MICU3: variants seen among roughly 807,000 people sequenced by gnomAD.
MICU3 encodes calcium uptake protein 3, mitochondrial.
Under a neutral mutation model 66.5 loss-of-function variants are expected in MICU3, and 62 were observed. The observed-to-expected ratio is 0.93, with a 90% CI of 0.76 to 1.15. The LOEUF (loss-of-function observed/expected upper bound fraction) is 1.15, where lower values mean the gene tolerates loss of function less well. Among genes scored for constraint, MICU3 ranks in the 50% most tolerant of loss-of-function variants. The pLI is 0.00. For synonymous variants in MICU3, 308 were observed against 240.7 expected (o/e 1.28, Z -2.59); for missense variants, 779 against 664.4 (o/e 1.17, Z -1.90).
intron 3 of MICU3, among the ~76,000 whole-genome samples, chr8:17,075,645 G>T (rs1051733558): frequency 2.6e-5 from 4 of 152,112 alleles, no homozygotes; most frequent in Non-Finnish European, 5.9e-5. Context: ...TGTGTTGATT[G>T]GATGATTTAG....
At position 17,080,561 on chromosome 8, in the gene MICU3, T is replaced by C. The variant is rs570280086; in HGVS notation, c.647-1132T>C. Among the ~76,000 whole-genome samples the C allele has an allele frequency of 4.0e-4, 61 of 152,280 alleles. 1 individual carries two copies. Among genetic ancestry groups the C allele is most frequent in the African/African-American group, 1.4e-3 (59 of 41,570 alleles). The stretch of plus-strand genomic sequence containing the variant: ...CTTCTTTTATGCTCTTCTTTCATTT[T>C]TTGAGGGATCCCTACAGACTCTTAA... On this transcript the variant is annotated intron_variant, in intron 4 of 14. Coordinates refer to ENST00000318063, the MANE Select transcript of MICU3 (RefSeq NM_181723.3).
At chr8:17,114,295 C>A in intron 12 of MICU3, 94 bp downstream of exon 12, 1 of 716,444 alleles carries the variant, frequency 1.4e-6, no homozygotes, top group Non-Finnish European at 2.3e-6. Context: ...GACATATCAC[C>A]CATCAACTTG....
At chr8:17,120,002 A>G (rs1803073254) in intron 14 of MICU3, among the ~76,000 whole-genome samples, 1 of 152,200 alleles carries the variant, frequency 6.6e-6, no homozygotes, top group African/African-American at 2.4e-5. Flanking sequence ...CCACACAGGT[A>G]GTGTTCCCGA....
Position 17,069,708 on chromosome 8 carries a change from C to T in MICU3, c.556C>T (p.Leu186Phe). The T allele has an allele frequency of 6.5e-7, 1 of 1,544,966 alleles. No individual in the cohort carries two copies. Among genetic ancestry groups the T allele is most frequent in the Non-Finnish European group, 8.8e-7 (1 of 1,140,564 alleles). The change falls in exon 3 of 15, where the codon CTT (leucine) becomes TTT (phenylalanine). Residue 186 changes from leucine (L) to phenylalanine (F), a missense_variant. Physicochemically the swap from Leu to Phe is conservative, Grantham distance 22. Transcript: ENST00000318063. ...EPKVAKTWKS[L>F]SKQELNQMLA... ...TTTAGTTGCCAAAACTTGGAAGTCA[C>T]TTTCCAAACAGGTGAGTTAAAGCTC...
chr8:17,098,801 T>C (rs1800998562), intron 9 of MICU3, among the ~76,000 whole-genome samples: 1 of 151,756 alleles, frequency 6.6e-6, no homozygotes, highest in South Asian at 2.1e-4. Flanking sequence ...ATATATATAT[T>C]TTAAAGTTTC....
intron 13 of MICU3, 101 bp downstream of exon 13, chr8:17,116,701 A>G (rs1374384164): frequency 1.2e-6 from 1 of 846,614 alleles, no homozygotes. Context: ...TCTTAAGGAT[A>G]TAAACATGAA....
chr8:17,114,458 G>C (rs1802498481), intron 12 of MICU3, among the ~76,000 whole-genome samples: 1 of 152,272 alleles, frequency 6.6e-6, no homozygotes, highest in Non-Finnish European at 1.5e-5. Context: ...TGTTCTTACA[G>C]GGTGGTATTT....
In MICU3 at chr8:17,084,271, G is replaced by A. The variant is rs189438928; in HGVS notation, c.695-965G>A. 5.3e-5 allele frequency among the ~76,000 whole-genome samples: 8 copies of A among 152,084 alleles called. No individual in the cohort carries two copies. The East Asian group carries it at 9.7e-4, about 18-fold the overall frequency. On this transcript the variant is annotated intron_variant, in intron 5 of 14. Coordinates refer to ENST00000318063, the MANE Select transcript of MICU3 (RefSeq NM_181723.3). The stretch of plus-strand genomic sequence containing the variant: ...AAGATCTTTTTAAAGTGTAAAACTC[G>A]GTTATTAGAGATGTTGTAAATTTGT...
At position 17,117,421 on chromosome 8, in the gene MICU3, T is replaced by C. The variant is rs867529673; in HGVS notation, c.1524+821T>C. ...TACAGTAAAAAATAATTACCAGAAA[T>C]TCAGTGATTTTTTTCCCCCAAGAAA... On this transcript the variant is annotated intron_variant, in intron 13 of 14. Coordinates refer to ENST00000318063, the MANE Select transcript of MICU3 (RefSeq NM_181723.3). Among the ~76,000 whole-genome samples, 8 of 152,186 alleles carry C rather than the reference T, an allele frequency of 5.3e-5. 1 individual carries two copies. The Middle Eastern group carries it at 0.01, about 194-fold the overall frequency.
At chr8:17,116,394 T>C (rs952173567) in intron 12 of MICU3, 49 bp from the exon 13 acceptor site, 2 of 1,194,114 alleles carry the variant, frequency 1.7e-6, no homozygotes, top group South Asian at 2.6e-5. Context: ...TTAACACATA[T>C]TATAAAAATA....
intron 2 of MICU3, 104 bp downstream of exon 2, chr8:17,064,341 G>C: frequency 1.3e-6 from 1 of 783,866 alleles, no homozygotes; most frequent in Non-Finnish European, 2.0e-6. Flanking sequence ...TGAGTAATGT[G>C]GTATTTCACA....
chr8:17,038,890 T>G (rs1356691849), intron 1 of MICU3, among the ~76,000 whole-genome samples: 2 of 151,558 alleles, frequency 1.3e-5, no homozygotes, highest in South Asian at 2.1e-4. Context: ...GAGGTGGAGC[T>G]TGCAGTGAGC....
At chr8:17,074,693 T>A (rs779516085) in intron 3 of MICU3, among the ~76,000 whole-genome samples, 2 of 151,830 alleles carry the variant, frequency 1.3e-5, no homozygotes, top group Non-Finnish European at 1.5e-5. Context: ...TTGTCATCCC[T>A]GGATTACAAT....
Position 17,091,327 on chromosome 8 carries a change from T to C in MICU3, c.888+743T>C, listed in dbSNP as rs562278849. On this transcript the variant is annotated intron_variant, in intron 8 of 14. Coordinates refer to ENST00000318063, the MANE Select transcript of MICU3 (RefSeq NM_181723.3). ...ATGGCCCTTTTTGAATGTAAACATG[T>C]GCAGTTCACTTAATTTCCCCAAGGA... Among the ~76,000 whole-genome samples, 8 of 152,208 alleles carry C rather than the reference T, an allele frequency of 5.3e-5. No homozygotes were observed. In the South Asian group the frequency reaches 1.4e-3, roughly 28 times the overall value.
chr8:17,109,538 C>G (rs1029614325), intron 11 of MICU3, among the ~76,000 whole-genome samples: 7 of 151,978 alleles, frequency 4.6e-5, no homozygotes, highest in Non-Finnish European at 8.8e-5. Context: ...GAACTATCTC[C>G]AAGATATACT....
intron 5 of MICU3, among the ~76,000 whole-genome samples, chr8:17,082,375 A>G (rs2150727549): frequency 6.6e-6 from 1 of 152,238 alleles, no homozygotes; most frequent in East Asian, 1.9e-4. Context: ...AACATCATTT[A>G]GGTTTCCTTT....
the MICU3 span, among the ~76,000 whole-genome samples, chr8:17,129,529 A>C: frequency 6.6e-6 from 1 of 152,332 alleles, no homozygotes; most frequent in East Asian, 1.9e-4. Flanking sequence ...CTGTGAACCT[A>C]ATAGAAGATT....
chr8:17,069,748 C>T (rs772778483), intron 3 of MICU3, 29 bp downstream of exon 3: 1 of 1,318,018 alleles, frequency 7.6e-7, no homozygotes, highest in South Asian at 1.6e-5. Flanking sequence ...TAGATATACA[C>T]AAATTTTATA....
chr8:17,039,373 A>T (rs1813634084), intron 1 of MICU3, among the ~76,000 whole-genome samples: 1 of 152,344 alleles, frequency 6.6e-6, no homozygotes, highest in Non-Finnish European at 1.5e-5. Context: ...GGGAAGTTAC[A>T]TAGACATGAA....
Sources: gnomAD v4.1 joint callset for allele counts (sites outside exome capture counted in the v4.1 genomes callset) on GRCh38, gnomAD v4.1.1 for gene constraint, MANE v1.5 for transcripts, NCBI Gene and HGNC (gene_info 2026-07-23, HGNC 2026-07-21) for gene names.